The following PGM1 variants were observed in gnomAD, a reference collection of about 807,000 sequenced individuals.
PGM1 encodes the protein phosphoglucomutase 1, also known as phosphoglucomutase-1.
PGM1 carries 52 observed loss-of-function variants against 55.6 expected under a neutral mutation model. The observed-to-expected ratio is 0.94, with a 90% CI of 0.75 to 1.18. PGM1 has a LOEUF of 1.18. PGM1 is among the 50% of genes most tolerant of loss of function. The pLI, the probability that PGM1 is intolerant of heterozygous loss-of-function variation, is 0.00. For missense variants in PGM1, 724 were observed against 729.3 expected (o/e 0.99, Z 0.08); for synonymous variants, 287 against 271.7 (o/e 1.06, Z -0.55).
intron 1 of PGM1, among the ~76,000 whole-genome samples, chr1:63,608,862 G>A (rs1406735663): frequency 6.6e-6 from 1 of 152,202 alleles, no homozygotes; most frequent in Non-Finnish European, 1.5e-5. Flanking sequence ...AGTGGTATTC[G>A]AAAGAGTAAT....
rs111335303 is a variant in PGM1, at chr1:63,640,768, T to C, written c.1144+1968T>C. Among the ~76,000 whole-genome samples the C allele has an allele frequency of 2.9e-3, 443 of 152,278 alleles. 2 individuals carry two copies. The highest frequency in any genetic ancestry group is 0.01 in the African/African-American group (430 of 41,560). On this transcript the variant is annotated intron_variant, in intron 7 of 10. Coordinates refer to ENST00000371084, the MANE Select transcript of PGM1 (RefSeq NM_002633.3). ...CTCAGGTCCTTCCTTCTTCAGGCCG[T>C]CCATCTTTGTTTCCTCCAGTCATTC...
chr1:63,654,372 TC>T lies in PGM1; in HGVS notation c.1507del (p.Arg503AspfsTer2). On this transcript the variant is annotated frameshift_variant, in exon 10 of 11. Transcript: ENST00000371084. LOFTEE classifies it high-confidence loss of function. ...TTCACAGATGGTTCTCGAATCGTCT[TC>T]CGACTGAGCGGCACTGGGAGTGCCG... Reference protein sequence around the residue: ...LIFTDGSRIVFRLSGTGSAGA... With the variant: ...LIFTDGSRIVXRLSGTGSAGA... 1 of 1,614,084 alleles carries T rather than the reference TC, an allele frequency of 6.2e-7. No individual in the cohort carries two copies. Among genetic ancestry groups the T allele is most frequent in the East Asian group, 2.2e-5 (1 of 44,874 alleles).
chr1:63,641,503 G>A (rs1412299273), intron 7 of PGM1, among the ~76,000 whole-genome samples: 2 of 152,168 alleles, frequency 1.3e-5, no homozygotes, highest in East Asian at 1.9e-4. Flanking sequence ...AGTTTCTCAG[G>A]GTAGACATTA....
At chr1:63,651,229 C>T (rs1375444457) in intron 8 of PGM1, 1 of 172,346 alleles carries the variant, frequency 5.8e-6, no homozygotes, top group Non-Finnish European at 1.3e-5. Flanking sequence ...AGGCTGGGAG[C>T]AGGCCCAGCA....
At chr1:63,658,766 A>G (rs1650035119) in intron 10 of PGM1, among the ~76,000 whole-genome samples, 2 of 152,116 alleles carry the variant, frequency 1.3e-5, no homozygotes, top group Non-Finnish European at 2.9e-5. Flanking sequence ...AAAAAAAAAA[A>G]AAGATTCCTG....
intron 4 of PGM1, among the ~76,000 whole-genome samples, chr1:63,633,391 T>G (rs189991715): frequency 1.3e-5 from 2 of 152,334 alleles, no homozygotes; most frequent in East Asian, 1.9e-4. Flanking sequence ...TGGCTGTTCC[T>G]CTAATGCTTT....
At chr1:63,639,348 G>A (rs1415467200) in intron 7 of PGM1, among the ~76,000 whole-genome samples, 1 of 152,114 alleles carries the variant, frequency 6.6e-6, no homozygotes, top group Admixed American at 6.5e-5. Context: ...GAGGATGTTT[G>A]TGTAATTGTA....
intron 1 of PGM1, chr1:63,594,060 C>G (rs1570464637): frequency 9.3e-7 from 1 of 1,076,428 alleles, no homozygotes; most frequent in Non-Finnish European, 1.1e-6. Flanking sequence ...CCCCGCCCCT[C>G]CCGAGGCGTC....
chr1:63,627,921 C>T (rs991205558), intron 1 of PGM1, among the ~76,000 whole-genome samples: 2 of 152,090 alleles, frequency 1.3e-5, no homozygotes, highest in Admixed American at 1.3e-4. Flanking sequence ...CGTTTCAATA[C>T]TTTCCCCCAC....
At chr1:63,636,468 G>A (rs1010548470) in intron 6 of PGM1, 80 bp downstream of exon 6, 13 of 1,376,516 alleles carry the variant, frequency 9.4e-6, no homozygotes, top group Admixed American at 6.7e-5. Flanking sequence ...CCTGGAACAC[G>A]TGTCCTTCCC....
At chr1:63,652,883 G>A (rs889143730) in intron 9 of PGM1, among the ~76,000 whole-genome samples, 1 of 152,190 alleles carries the variant, frequency 6.6e-6, no homozygotes. Context: ...AGAACTTGGG[G>A]TCCAGTTTGG....
At chr1:63,653,627 C>T (rs1023473599) in intron 9 of PGM1, among the ~76,000 whole-genome samples, 3 of 152,188 alleles carry the variant, frequency 2.0e-5, no homozygotes, top group Non-Finnish European at 4.4e-5. Flanking sequence ...TGGGAAATAT[C>T]TACCCCAGAG....
chr1:63,656,411 T>C (rs1490960209), intron 10 of PGM1, among the ~76,000 whole-genome samples: 1 of 152,210 alleles, frequency 6.6e-6, no homozygotes, highest in African/African-American at 2.4e-5. Context: ...TTAGTACTAA[T>C]ATACGATCCA....
intron 1 of PGM1, among the ~76,000 whole-genome samples, chr1:63,624,469 T>C (rs1848023): frequency 0.028 from 4,200 of 152,294 alleles, 228 homozygotes; most frequent in African/African-American, 0.096. Flanking sequence ...TGAGAAGGAA[T>C]ATTGTACCAG....
intron 1 of PGM1, among the ~76,000 whole-genome samples, chr1:63,607,926 A>G (rs1002308103): frequency 2.0e-4 from 31 of 152,212 alleles, no homozygotes; most frequent in Non-Finnish European, 8.8e-5. Context: ...TTCATTAGAC[A>G]TGGCTCCAGC....
intron 1 of PGM1, among the ~76,000 whole-genome samples, chr1:63,618,988 C>T (rs1214645022): frequency 1.3e-5 from 2 of 152,210 alleles, no homozygotes; most frequent in African/African-American, 2.4e-5. Context: ...ATAGCTGTCA[C>T]GGACTCTCAC....
intron 9 of PGM1, among the ~76,000 whole-genome samples, 189 bp from the exon 10 acceptor site, chr1:63,654,143 C>A (rs1465430164): frequency 1.3e-5 from 2 of 152,176 alleles, no homozygotes; most frequent in Admixed American, 1.3e-4. Context: ...AGCTAAGCCC[C>A]CATCAGCTGG....
In PGM1 at chr1:63,607,692, T is replaced by C. The variant is rs578209178; in HGVS notation, c.246+13958T>C. Among the ~76,000 whole-genome samples, 3 of 152,294 alleles carry C rather than the reference T, an allele frequency of 2.0e-5. No homozygotes were observed. In the South Asian group the frequency reaches 6.2e-4, roughly 32 times the overall value. On this transcript the variant is annotated intron_variant, in intron 1 of 10. Coordinates refer to ENST00000371084, the MANE Select transcript of PGM1 (RefSeq NM_002633.3). The stretch of plus-strand genomic sequence containing the variant: ...TCTTTTTTTATAAACATATTTGAAC[T>C]TATATATCCAAATTAGTATCGTACC...
chr1:63,653,641 C>G (rs969307577), intron 9 of PGM1, among the ~76,000 whole-genome samples: 2 of 152,120 alleles, frequency 1.3e-5, no homozygotes, highest in Non-Finnish European at 2.9e-5. Context: ...CCCAGAGTTC[C>G]CACACATTTT....
Sources: gnomAD v4.1 joint callset for allele counts (sites outside exome capture counted in the v4.1 genomes callset) on GRCh38, gnomAD v4.1.1 for gene constraint, MANE v1.5 for transcripts, NCBI Gene and HGNC (gene_info 2026-07-23, HGNC 2026-07-21) for gene names.